Variants in RELN observed in about 807,000 individuals in gnomAD.
RELN encodes the protein reelin.
Under a neutral mutation model 427.6 loss-of-function variants are expected in RELN, and 108 were observed. The observed-to-expected ratio is 0.25, with a 90% CI of 0.22 to 0.30. The LOEUF (loss-of-function observed/expected upper bound fraction) is 0.30. RELN is among the 10% of genes least tolerant of loss of function. RELN has a pLI of 1.00. For synonymous variants in RELN, 1,524 were observed against 1,513.4 expected (o/e 1.01, Z -0.16); for missense variants, 3,715 against 4,302.8 (o/e 0.86, Z 3.82).
intron 2 of RELN, among the ~76,000 whole-genome samples, chr7:103,899,486 C>CA (rs1563078458): frequency 6.6e-6 from 1 of 151,914 alleles, no homozygotes; most frequent in Non-Finnish European, 1.5e-5. Flanking sequence ...AGAGACACAA[C>CA]AAAAAAAGAA....
intron 6 of RELN, among the ~76,000 whole-genome samples, chr7:103,745,151 C>A (rs1391517520): frequency 6.6e-6 from 1 of 151,948 alleles, no homozygotes; most frequent in Admixed American, 6.6e-5. Context: ...ATAAACAGAA[C>A]CAAAGACAAA....
In RELN at chr7:103,891,405, G is replaced by A. The variant is rs1349758336; in HGVS notation, c.337+25670C>T. 2.6e-5 allele frequency among the ~76,000 whole-genome samples: 4 copies of A among 152,234 alleles called. No individual in the cohort carries two copies. The East Asian group carries it at 7.7e-4, about 29-fold the overall frequency. Reference sequence around the variant, plus strand: ...CATGGTAATTAATGTCTCCTGTGAAGCAGGAGGCCCAATTCCAATGAGTGC... The same window carrying A: ...CATGGTAATTAATGTCTCCTGTGAAACAGGAGGCCCAATTCCAATGAGTGC... On this transcript the variant is annotated intron_variant, in intron 2 of 64. Transcript: ENST00000428762.
chr7:103,866,213 G>A (rs1372723717), intron 2 of RELN, among the ~76,000 whole-genome samples: 2 of 151,978 alleles, frequency 1.3e-5, no homozygotes, highest in African/African-American at 4.8e-5. Flanking sequence ...AAGCTTCCCA[G>A]CCTATTACTA....
intron 2 of RELN, among the ~76,000 whole-genome samples, chr7:103,882,986 A>G (rs1427040223): frequency 6.6e-6 from 1 of 152,232 alleles, no homozygotes; most frequent in African/African-American, 2.4e-5. Flanking sequence ...ACAACATAAA[A>G]AGAAAATTTC....
intron 4 of RELN, among the ~76,000 whole-genome samples, chr7:103,757,864 T>C (rs74534299): frequency 1.3e-5 from 2 of 152,280 alleles, no homozygotes; most frequent in South Asian, 4.1e-4. Context: ...CCTAATTTAG[T>C]TTCATTGGTG....
chr7:103,794,228 T>A (rs566958500), intron 3 of RELN, among the ~76,000 whole-genome samples: 12 of 152,278 alleles, frequency 7.9e-5, no homozygotes, highest in African/African-American at 2.9e-4. Context: ...TAATTTAGAA[T>A]CTCTGGGCTC....
chr7:103,876,780 C>CT (rs4286), intron 2 of RELN, among the ~76,000 whole-genome samples: 19,787 of 150,446 alleles, frequency 0.13, 1,561 homozygotes, highest in East Asian at 0.39. Context: ...AATGTCTGCT[C>CT]TTTTTTTTAA....
At chr7:103,514,581 C>T (rs1246723462) in intron 50 of RELN, among the ~76,000 whole-genome samples, 1 of 152,110 alleles carries the variant, frequency 6.6e-6, no homozygotes, top group African/African-American at 2.4e-5. Context: ...ATTGCTTGCA[C>T]CTGGGAGGCG....
chr7:103,554,532 T>G (rs1830483425), intron 38 of RELN, among the ~76,000 whole-genome samples: 1 of 129,362 alleles, frequency 7.7e-6, no homozygotes, highest in Admixed American at 9.3e-5. Flanking sequence ...ATCACGCCAC[T>G]GCACTCCAGC....
In RELN at chr7:103,522,074, A is replaced by C; in HGVS notation, c.7616T>G (p.Leu2539Trp). Reference sequence around the variant, plus strand: ...CGCCACGGCTCCACACACTGTACTCAATTTCCCTCCGTTCACAGTCAGCCA... The same window carrying C: ...CGCCACGGCTCCACACACTGTACTCCATTTCCCTCCGTTCACAGTCAGCCA... ...QNWLTVNGGKLSTVCGAVASG... is the reference protein window; with the variant it reads ...QNWLTVNGGKWSTVCGAVASG... Residue 2539 changes from leucine to tryptophan, a missense_variant, in exon 48 of 65, where the codon TTG becomes TGG. Around this residue, in one of 4 missense-constraint regions of RELN, gnomAD observed 1,310 missense variants for 1,643.0 expected, o/e 0.80. Coordinates refer to ENST00000428762, the MANE Select transcript of RELN (RefSeq NM_005045.4). The C allele has an allele frequency of 6.2e-7, 1 of 1,614,034 alleles. No individual in the cohort carries two copies. Among genetic ancestry groups the C allele is most frequent in the Non-Finnish European group, 8.5e-7 (1 of 1,180,010 alleles).
chr7:103,904,282 T>C (rs1795146489), intron 2 of RELN, among the ~76,000 whole-genome samples: 1 of 152,320 alleles, frequency 6.6e-6, no homozygotes, highest in Admixed American at 6.5e-5. Flanking sequence ...TGGTTCCATG[T>C]CTTTGCTATT....
At chr7:103,932,147 C>A (rs368689815) in intron 1 of RELN, among the ~76,000 whole-genome samples, 16 of 152,136 alleles carry the variant, frequency 1.1e-4, no homozygotes, top group African/African-American at 3.1e-4. Flanking sequence ...AAATGCCCAT[C>A]AATGGTAGAG....
Position 103,753,185 on chromosome 7 carries a change from G to A in RELN, c.574C>T (p.Leu192=), listed in dbSNP as rs1213374935. 5 of 1,614,024 alleles carry A rather than the reference G, an allele frequency of 3.1e-6. No homozygotes were observed. In the South Asian group the frequency reaches 5.5e-5, roughly 18 times the overall value. The change falls in exon 5 of 65, where the codon CTA becomes TTA. Residue 192 remains leucine (L), a synonymous_variant. Transcript: ENST00000428762. The part of the protein sequence containing the change: ...APTDVTVHPH[L]AEIHSDSIIL... ...CATCAGAGTCTTAAACACTTACCTAGATGTGGGTGCACAGTGACATCTGTT... is the reference window on the plus strand; with the variant it reads ...CATCAGAGTCTTAAACACTTACCTAAATGTGGGTGCACAGTGACATCTGTT...
Position 103,566,392 on chromosome 7 carries a change from C to T in RELN, c.4768G>A (p.Ala1590Thr), listed in dbSNP as rs1287497132. Residue 1590 changes from alanine to threonine, a missense_variant, in exon 33 of 65, where the codon GCT becomes ACT. Ala to Thr is a moderately conservative substitution (Grantham distance 58, BLOSUM62 0). Coordinates refer to ENST00000428762, the MANE Select transcript of RELN (RefSeq NM_005045.4). ...ATTCCTATAAGAACATCATCCAAAG[C>T]CCACTGGGCTGAATGCTTCCCTGCA... ...PQHGKHSAQW[A>T]LDDVLIGMND... The T allele has an allele frequency of 6.2e-7, 1 of 1,614,068 alleles. No homozygotes were observed. The highest frequency in any genetic ancestry group is 8.5e-7 in the Non-Finnish European group (1 of 1,179,980).
At chr7:103,581,981 T>A (rs1177808720) in intron 28 of RELN, among the ~76,000 whole-genome samples, 1 of 152,120 alleles carries the variant, frequency 6.6e-6, no homozygotes, top group African/African-American at 2.4e-5. Flanking sequence ...AGCTCTTAAA[T>A]TTTGGAGAAG....
chr7:103,847,116 G>A (rs752922049), intron 2 of RELN, among the ~76,000 whole-genome samples: 29 of 152,100 alleles, frequency 1.9e-4, no homozygotes, highest in Admixed American at 4.6e-4. Flanking sequence ...AGACACATGC[G>A]CATGTATGTT....
At chr7:103,661,555 G>C (rs1414266409) in intron 11 of RELN, 28 bp from the exon 12 acceptor site, 7 of 1,608,114 alleles carry the variant, frequency 4.4e-6, no homozygotes, top group Admixed American at 3.3e-5. Flanking sequence ...TTAAGAGTTA[G>C]AGTTAGAATA....
At chr7:103,980,442 T>A (rs898621602) in intron 1 of RELN, among the ~76,000 whole-genome samples, 2 of 152,148 alleles carry the variant, frequency 1.3e-5, no homozygotes, top group African/African-American at 4.8e-5. Flanking sequence ...TTTTAAATAA[T>A]AAAATTAGCT....
At chr7:103,737,762 C>T (rs561241472) in intron 6 of RELN, among the ~76,000 whole-genome samples, 9 of 152,258 alleles carry the variant, frequency 5.9e-5, no homozygotes, top group South Asian at 4.1e-4. Context: ...GCTATTTCCC[C>T]GGTCCTGTAA....
Sources: allele counts gnomAD v4.1 joint callset (sites outside exome capture counted in the v4.1 genomes callset), GRCh38; gene constraint gnomAD v4.1.1; regional missense constraint gnomAD v4.1.1; transcripts MANE v1.5; gene names NCBI Gene and HGNC (gene_info 2026-07-23, HGNC 2026-07-21).